LCA5: variants seen among roughly 807,000 people sequenced by gnomAD.
The protein encoded by LCA5 is lebercilin.
In LCA5, 37 loss-of-function variants were observed where a neutral mutation model predicts 53.0. The observed-to-expected ratio is 0.70, with a 90% CI of 0.54 to 0.92. LCA5 has a LOEUF of 0.92. LCA5 is among the 40% of genes least tolerant of loss of function. LCA5 has a pLI of 0.00. For synonymous variants in LCA5, 303 were observed against 282.9 expected (o/e 1.07, Z -0.71); for missense variants, 806 against 790.5 (o/e 1.02, Z -0.23).
At position 79,497,956 on chromosome 6, in the gene LCA5, CAA is replaced by C. The variant is rs34167121; in HGVS notation, c.721-4208_721-4207del. Among the ~76,000 whole-genome samples, 103 of 92,732 alleles carry C rather than the reference CAA, an allele frequency of 1.1e-3. 1 individual carries two copies. The East Asian group carries it at 0.027, about 24-fold the overall frequency. 60.8% of individuals were successfully genotyped at this position (92,732 alleles called of 152,430 possible). On this transcript the variant is annotated intron_variant, in intron 3 of 7. Coordinates refer to ENST00000369846, the MANE Select transcript of LCA5 (RefSeq NM_001122769.3). ...TGGGCGACAGAGTGAGACTCCATCT[CAA>C]AAAAAAAAAAAAAAAGAAAGATATG...
intron 3 of LCA5, among the ~76,000 whole-genome samples, chr6:79,504,352 G>A (rs1162633133): frequency 6.6e-6 from 1 of 152,144 alleles, no homozygotes. Context: ...CACATTAGCA[G>A]AGTTTATTTG....
In LCA5 at chr6:79,513,197, C is replaced by T; in HGVS notation, c.720+15G>A. 1.2e-6 allele frequency: 2 copies of T among 1,603,810 alleles called. No homozygotes were observed. Among genetic ancestry groups the T allele is most frequent in the Non-Finnish European group, 1.7e-6 (2 of 1,171,152 alleles). On this transcript the variant is annotated intron_variant, in intron 3 of 7. Transcript: ENST00000369846. The stretch of plus-strand genomic sequence containing the variant: ...CATCCCAAGAAAGTACAATTAGAAG[C>T]TGTAGAAATTGTACCTTAATTCTTC...
chr6:79,492,971 G>A (rs1280624011), intron 4 of LCA5, among the ~76,000 whole-genome samples: 1 of 151,974 alleles, frequency 6.6e-6, no homozygotes, highest in East Asian at 1.9e-4. Context: ...TCTCTCAAAT[G>A]TAAGTTCTGA....
At chr6:79,504,694 C>T (rs762557486) in intron 3 of LCA5, among the ~76,000 whole-genome samples, 5 of 152,136 alleles carry the variant, frequency 3.3e-5, no homozygotes, top group African/African-American at 9.6e-5. Context: ...CAGCTTTAGG[C>T]TAAACTTAAA....
intron 1 of LCA5, among the ~76,000 whole-genome samples, chr6:79,523,772 C>T (rs1766696535): frequency 6.6e-6 from 1 of 152,178 alleles, no homozygotes; most frequent in Non-Finnish European, 1.5e-5. Context: ...GGGAAGAATA[C>T]ACACAGTGTT....
In LCA5 at chr6:79,486,414, G is replaced by A. The variant is rs1248280325; in HGVS notation, c.*590C>T. 1 of 152,220 alleles carries A rather than the reference G, an allele frequency of 6.6e-6. No individual in the cohort carries two copies. Among genetic ancestry groups the A allele is most frequent in the Non-Finnish European group, 1.5e-5 (1 of 68,074 alleles). The allele number at this position is 152,220 out of a possible 1,614,324, so 9.4% of individuals were successfully genotyped here. A position where few individuals can be genotyped will look rare whatever the true frequency, so the allele number is the denominator to read the frequency against. ...TGATTTCAGTAAATACTGAAATTGG[G>A]AAATGAGTAGTGTTTAGCTGTGGGT... On this transcript the variant is annotated 3_prime_UTR_variant, in exon 8 of 8. Transcript: ENST00000369846.
intron 5 of LCA5, among the ~76,000 whole-genome samples, chr6:79,492,172 GAAAAGTAAAAAAAC>G (rs1319092962): frequency 6.6e-6 from 1 of 151,700 alleles, no homozygotes; most frequent in Non-Finnish European, 1.5e-5. Flanking sequence ...ATACTCTGGA[GAAAAGTAAAAAAAC>G]AGATGAAATA....
intron 7 of LCA5, chr6:79,488,780 CAAGTA>C (rs1197715157): frequency 8.5e-6 from 4 of 470,638 alleles, no homozygotes; most frequent in Non-Finnish European, 1.1e-5. Flanking sequence ...AAGAACACCA[CAAGTA>C]TAGTAACTTT....
chr6:79,501,752 A>G (rs1770145522), intron 3 of LCA5, among the ~76,000 whole-genome samples: 1 of 150,914 alleles, frequency 6.6e-6, no homozygotes, highest in Non-Finnish European at 1.5e-5. Flanking sequence ...ACAGAATTCT[A>G]TAACTGTATA....
At chr6:79,515,396 A>C (rs1268812403) in intron 2 of LCA5, among the ~76,000 whole-genome samples, 1 of 152,144 alleles carries the variant, frequency 6.6e-6, no homozygotes, top group Non-Finnish European at 1.5e-5. Context: ...GAGAAGATGA[A>C]AACAAAAATC....
At chr6:79,533,025 G>A (rs1432283317) in intron 1 of LCA5, among the ~76,000 whole-genome samples, 3 of 151,964 alleles carry the variant, frequency 2.0e-5, no homozygotes, top group Admixed American at 2.0e-4. Context: ...GAATTCCTGA[G>A]AGAGAAAAGT....
chr6:79,505,380 T>A (rs1408985279), intron 3 of LCA5, among the ~76,000 whole-genome samples: 1 of 152,176 alleles, frequency 6.6e-6, no homozygotes, highest in Non-Finnish European at 1.5e-5. Flanking sequence ...TCTAAGCAAT[T>A]ATTCTTTTCA....
chr6:79,512,996 A>G (rs1766283120), intron 3 of LCA5: 1 of 583,108 alleles, frequency 1.7e-6, no homozygotes, highest in South Asian at 2.0e-5. Context: ...TCCCAAAATG[A>G]CTATGATCCG....
Position 79,528,018 on chromosome 6 carries a change from G to A in LCA5, c.-191-8933C>T, listed in dbSNP as rs1766841015. 1.3e-5 allele frequency among the ~76,000 whole-genome samples: 2 copies of A among 152,162 alleles called. 1 individual carries two copies. Among genetic ancestry groups the A allele is most frequent in the African/African-American group, 4.8e-5 (2 of 41,430 alleles). On this transcript the variant is annotated intron_variant, in intron 1 of 7. Coordinates refer to ENST00000369846, the MANE Select transcript of LCA5 (RefSeq NM_001122769.3). ...AGGGATGTGAATGCCTGGGTCGAAT[G>A]GGTCAAATTTTCGGTACAAGCCCTC...
At chr6:79,491,830 A>G in intron 5 of LCA5, 100 bp from the exon 6 acceptor site, 1 of 982,942 alleles carries the variant, frequency 1.0e-6, no homozygotes, top group Non-Finnish European at 1.6e-6. Flanking sequence ...GTGTGTTTGC[A>G]TATACATGTA....
chr6:79,516,392 A>C (rs1766437554), intron 2 of LCA5, among the ~76,000 whole-genome samples: 1 of 151,958 alleles, frequency 6.6e-6, no homozygotes, highest in Non-Finnish European at 1.5e-5. Context: ...CAATTGTTCC[A>C]AATATGGTTT....
intron 1 of LCA5, among the ~76,000 whole-genome samples, chr6:79,526,655 GA>G (rs1582653621): frequency 1.3e-5 from 2 of 152,278 alleles, no homozygotes; most frequent in East Asian, 3.9e-4. Context: ...GGGAATTATG[GA>G]AAGTTTACAA....
chr6:79,488,812 ATTCTAC>A (rs1175447730), intron 7 of LCA5: 3 of 525,590 alleles, frequency 5.7e-6, no homozygotes, highest in Non-Finnish European at 6.6e-6. Flanking sequence ...TGGCATCTGA[ATTCTAC>A]TTCATCAGAA....
intron 3 of LCA5, among the ~76,000 whole-genome samples, chr6:79,498,549 A>AT (rs1171402856): frequency 6.6e-6 from 1 of 152,148 alleles, no homozygotes; most frequent in African/African-American, 2.4e-5. Context: ...TGAAGATAAA[A>AT]TACATTCAGA....
Sources: allele counts gnomAD v4.1 joint callset (sites outside exome capture counted in the v4.1 genomes callset), GRCh38; gene constraint gnomAD v4.1.1; transcripts MANE v1.5; gene names NCBI Gene and HGNC (gene_info 2026-07-23, HGNC 2026-07-21).